The following CINP variants were observed in gnomAD, a reference collection of about 807,000 sequenced individuals.
The protein encoded by CINP is cyclin dependent kinase 2 interacting protein, also known as cyclin-dependent kinase 2-interacting protein.
CINP carries 11 observed loss-of-function variants against 20.5 expected under a neutral mutation model. The ratio of observed to expected loss-of-function variants is 0.54; its 90% CI spans 0.34 to 0.89. The LOEUF (loss-of-function observed/expected upper bound fraction) is 0.89. Among genes scored for constraint, CINP ranks in the 40% least tolerant of loss-of-function variants. The pLI is 0.02. For synonymous variants in CINP, 108 were observed against 102.1 expected (o/e 1.06, Z -0.35); for missense variants, 213 against 251.0 (o/e 0.85, Z 1.02).
At position 102,355,871 on chromosome 14, in the gene CINP, C is replaced by T; in HGVS notation, c.203G>A (p.Ser68Asn). ...LLNKDKIELD[S>N]SSPASKENEE... Reference sequence around the variant, plus strand: ...ATTTTCCTTCGAGGCTGGGCTGCTGCTGTCTAGTTCTATCTTGTCTTTATT... The same window carrying T: ...ATTTTCCTTCGAGGCTGGGCTGCTGTTGTCTAGTTCTATCTTGTCTTTATT... The change falls in exon 3 of 5, where the codon AGC becomes AAC. Residue 68 changes from serine to asparagine, a missense_variant. Physicochemically the swap from Ser to Asn is conservative, Grantham distance 46. Coordinates refer to ENST00000216756, the MANE Select transcript of CINP (RefSeq NM_032630.3). 6.2e-7 allele frequency: 1 copy of T among 1,614,146 alleles called. No homozygotes were observed. Among genetic ancestry groups the T allele is most frequent in the Non-Finnish European group, 8.5e-7 (1 of 1,179,992 alleles).
intron 3 of CINP, chr14:102,352,595 C>T (rs1886893221): frequency 2.2e-6 from 1 of 450,746 alleles, no homozygotes; most frequent in Non-Finnish European, 4.4e-6. Flanking sequence ...TAATAATACC[C>T]TATAAAATCA....
chr14:102,354,310 G>T (rs1213074520), intron 3 of CINP, among the ~76,000 whole-genome samples: 1 of 152,132 alleles, frequency 6.6e-6, no homozygotes, highest in Admixed American at 6.5e-5. Context: ...ACTATCCCTG[G>T]AACACAGGTC....
In CINP at chr14:102,355,903, C is replaced by T; in HGVS notation, c.177-6G>A. 1 of 1,613,508 alleles carries T rather than the reference C, an allele frequency of 6.2e-7. No individual in the cohort carries two copies. Among genetic ancestry groups the T allele is most frequent in the Non-Finnish European group, 8.5e-7 (1 of 1,179,744 alleles). ...GTTCTATCTTGTCTTTATTCCTAAACAAAATAGAAAATAATGTGTACAAAA... is the reference window on the plus strand; with the variant it reads ...GTTCTATCTTGTCTTTATTCCTAAATAAAATAGAAAATAATGTGTACAAAA... On this transcript the variant is annotated splice_region_variant and splice_polypyrimidine_tract_variant and intron_variant, in intron 2 of 4. Transcript: ENST00000216756.
intron 3 of CINP, among the ~76,000 whole-genome samples, chr14:102,354,055 T>C (rs1469102910): frequency 6.6e-6 from 1 of 152,178 alleles, no homozygotes; most frequent in Non-Finnish European, 1.5e-5. Context: ...TACTACTGCA[T>C]TCCACAGCGA....
intron 2 of CINP, among the ~76,000 whole-genome samples, chr14:102,358,418 T>C (rs558167301): frequency 9.2e-5 from 14 of 152,212 alleles, no homozygotes; most frequent in Non-Finnish European, 1.2e-4. Context: ...CAGTGGCTCA[T>C]GCCTGTAATA....
At chr14:102,357,663 G>A (rs144678706) in intron 2 of CINP, among the ~76,000 whole-genome samples, 1 of 152,324 alleles carries the variant, frequency 6.6e-6, no homozygotes, top group African/African-American at 2.4e-5. Context: ...TGAGAGATAT[G>A]AGGAAGTTAC....
intron 1 of CINP, among the ~76,000 whole-genome samples, chr14:102,362,190 G>A (rs1210672589): frequency 6.6e-6 from 1 of 152,150 alleles, no homozygotes; most frequent in Non-Finnish European, 1.5e-5. Context: ...ACTCATACGG[G>A]GCACATATTT....
At chr14:102,362,442 A>T (rs1887187374) in intron 1 of CINP, 1 of 671,906 alleles carries the variant, frequency 1.5e-6, no homozygotes, top group South Asian at 1.6e-5. Context: ...CACTAGGCGA[A>T]AGCCAGCTTT....
At chr14:102,350,888 A>C (rs2139625864) in intron 3 of CINP, among the ~76,000 whole-genome samples, 1 of 142,390 alleles carries the variant, frequency 7.0e-6, no homozygotes, top group Non-Finnish European at 1.5e-5. Context: ...TGCAGTGGCG[A>C]GATCTCGGTT....
intron 1 of CINP, chr14:102,362,633 T>C (rs1009169239): frequency 2.8e-6 from 2 of 718,898 alleles, no homozygotes; most frequent in African/African-American, 1.7e-5. Flanking sequence ...CATCTGTCAC[T>C]GCACATGTGA....
At chr14:102,350,253 G>C (rs912657865) in intron 3 of CINP, among the ~76,000 whole-genome samples, 2 of 152,110 alleles carry the variant, frequency 1.3e-5, no homozygotes, top group Admixed American at 6.6e-5. Context: ...GAATGACTTT[G>C]GTAATAAACC....
chr14:102,362,704 C>T, intron 1 of CINP, 141 bp downstream of exon 1: 5 of 1,153,400 alleles, frequency 4.3e-6, no homozygotes, highest in Non-Finnish European at 6.4e-6. Context: ...GAGGGGCCTG[C>T]GGGCTAGGCT....
chr14:102,348,788 G>A (rs767669811), intron 4 of CINP, 29 bp from the exon 5 acceptor site: 1 of 1,587,106 alleles, frequency 6.3e-7, no homozygotes, highest in South Asian at 1.1e-5. Flanking sequence ...TCCCTTAATG[G>A]CAGTGATTCA....
Position 102,362,775 on chromosome 14 carries a change from G to A in CINP, c.7+70C>T, listed in dbSNP as rs940567065. ...AATCCGGGGAGCTCCTGAGCTTCTG[G>A]TCCAACCTGCGGCCTAAGCAGTAAC... On this transcript the variant is annotated intron_variant, in intron 1 of 4. Transcript: ENST00000216756. 1.1e-5 allele frequency: 18 copies of A among 1,600,190 alleles called. No homozygotes were observed. The African/African-American group carries it at 2.3e-4, about 20-fold the overall frequency.
intron 3 of CINP, among the ~76,000 whole-genome samples, chr14:102,354,737 A>C (rs1886957603): frequency 6.6e-6 from 1 of 151,206 alleles, no homozygotes; most frequent in Middle Eastern, 3.2e-3. Context: ...ATCCAGCCTC[A>C]GTGGCAGAGT....
chr14:102,351,977 C>T lies in CINP; in HGVS notation c.307-1929G>A, dbSNP rs1360201120. ...TCCGCTCACTGCAACCTCCGCCTCC[C>T]GGGTTCATGCCATTCTCCTGCCTCA... On this transcript the variant is annotated intron_variant, in intron 3 of 4. Coordinates refer to ENST00000216756, the MANE Select transcript of CINP (RefSeq NM_032630.3). This position sits in a 1 kb window ranked among gnomAD's most constrained non-coding sequence, Gnocchi z 4.2. Among the ~76,000 whole-genome samples, 5 of 152,092 alleles carry T rather than the reference C, an allele frequency of 3.3e-5. No homozygotes were observed. The highest frequency in any genetic ancestry group is 7.2e-5 in the African/African-American group (3 of 41,402).
intron 3 of CINP, among the ~76,000 whole-genome samples, chr14:102,353,077 C>T (rs2139628473): frequency 6.6e-6 from 1 of 150,930 alleles, no homozygotes; most frequent in South Asian, 2.1e-4. Context: ...GCAGAGGTTG[C>T]AGTGGGCAGA....
chr14:102,348,424 G>A lies in CINP; in HGVS notation c.*133C>T. ...CACGCCTGGAGAGGCCATGGGGCTG[G>A]TGACAAGCTCTGGCCAGAAGACCCC... is the stretch of plus-strand genomic sequence containing the variant. On this transcript the variant is annotated 3_prime_UTR_variant, in exon 5 of 5. Transcript: ENST00000216756. 1 of 798,290 alleles carries A rather than the reference G, an allele frequency of 1.3e-6. No individual in the cohort carries two copies. Among genetic ancestry groups the A allele is most frequent in the Non-Finnish European group, 1.9e-6 (1 of 519,978 alleles). The allele number at this position is 798,290 out of a possible 1,614,324, so 49.5% of individuals were successfully genotyped here. A position where few individuals can be genotyped will look rare whatever the true frequency, so the allele number is the denominator to read the frequency against.
intron 2 of CINP, 131 bp from the exon 3 acceptor site, chr14:102,356,028 TATC>T: frequency 3.3e-6 from 3 of 897,110 alleles, no homozygotes; most frequent in South Asian, 3.7e-5. Flanking sequence ...TGTTCTTTCA[TATC>T]ATTATGATAC....
Sources: gnomAD v4.1 joint callset for allele counts (sites outside exome capture counted in the v4.1 genomes callset) on GRCh38, gnomAD v4.1.1 for gene constraint, Gnocchi (gnomAD v3.1) non-coding constraint, MANE v1.5 for transcripts, NCBI Gene and HGNC (gene_info 2026-07-23, HGNC 2026-07-21) for gene names.